The following XRCC4 variants were observed in gnomAD, a reference collection of about 807,000 sequenced individuals.
XRCC4 encodes the protein X-ray repair cross complementing 4, also known as DNA repair protein XRCC4.
In XRCC4, 28 loss-of-function variants were observed where a neutral mutation model predicts 39.1. That is an observed-to-expected ratio of 0.72 (90% CI 0.53 to 0.98). XRCC4 has a LOEUF of 0.98. Ranked by LOEUF, XRCC4 falls within the 50% of genes least tolerant of loss-of-function variation. The pLI is 0.00. For missense variants in XRCC4, 350 were observed against 376.4 expected (o/e 0.93, Z 0.58); for synonymous variants, 123 against 126.4 (o/e 0.97, Z 0.18).
At chr5:83,176,497 G>C (rs146872976) in intron 3 of XRCC4, among the ~76,000 whole-genome samples, 2,275 of 152,214 alleles carry the variant, frequency 0.015, 75 homozygotes, top group African/African-American at 0.052. Context: ...TAAGAAGGAA[G>C]GTTAAGTATG....
chr5:83,168,140 T>C (rs1243545292), intron 3 of XRCC4, among the ~76,000 whole-genome samples: 2 of 152,158 alleles, frequency 1.3e-5, no homozygotes, highest in Non-Finnish European at 2.9e-5. Flanking sequence ...AATCCAACTG[T>C]ATGCTGTTTA....
At chr5:83,347,389 C>G (rs1247988694) in intron 7 of XRCC4, among the ~76,000 whole-genome samples, 1 of 152,004 alleles carries the variant, frequency 6.6e-6, no homozygotes, top group South Asian at 2.1e-4. Flanking sequence ...GGTGTGCAGG[C>G]TTATGCTGCT....
intron 3 of XRCC4, among the ~76,000 whole-genome samples, chr5:83,167,328 A>C (rs940172852): frequency 6.6e-6 from 1 of 152,122 alleles, no homozygotes; most frequent in African/African-American, 2.4e-5. Flanking sequence ...ACACTCAATA[A>C]GTATCCAGTG....
chr5:83,078,275 G>A (rs1291974272), intron 1 of XRCC4, among the ~76,000 whole-genome samples: 8 of 152,156 alleles, frequency 5.3e-5, no homozygotes, highest in Admixed American at 5.2e-4. Flanking sequence ...GCATTTTATC[G>A]ATGGAGAAAC....
chr5:83,263,476 TC>T (rs1252766032), intron 7 of XRCC4, among the ~76,000 whole-genome samples: 1 of 150,238 alleles, frequency 6.7e-6, no homozygotes, highest in Non-Finnish European at 1.5e-5. Context: ...GTAAAAGTGT[TC>T]CTATTTCTCC....
intron 6 of XRCC4, among the ~76,000 whole-genome samples, chr5:83,246,600 T>A (rs1168887796): frequency 6.6e-6 from 1 of 152,150 alleles, no homozygotes; most frequent in Non-Finnish European, 1.5e-5. Context: ...AGCAACATGA[T>A]GAATCATTTT....
chr5:83,308,663 G>A (rs1211586187), intron 7 of XRCC4, among the ~76,000 whole-genome samples: 1 of 151,890 alleles, frequency 6.6e-6, no homozygotes, highest in Non-Finnish European at 1.5e-5. Context: ...AACAGAAAAG[G>A]ATTCTTATTA....
At chr5:83,114,903 T>G (rs1746635229) in intron 3 of XRCC4, among the ~76,000 whole-genome samples, 2 of 144,990 alleles carry the variant, frequency 1.4e-5, no homozygotes, top group African/African-American at 5.8e-5. Flanking sequence ...GTTTAAATGA[T>G]TCACAGTTCC....
chr5:83,186,786 C>A (rs1750458203), intron 3 of XRCC4, among the ~76,000 whole-genome samples: 3 of 152,120 alleles, frequency 2.0e-5, no homozygotes, highest in Non-Finnish European at 2.9e-5. Context: ...ATATATTTTA[C>A]TTCTGTGGCA....
intron 7 of XRCC4, among the ~76,000 whole-genome samples, chr5:83,288,410 C>G (rs1561456226): frequency 6.6e-6 from 1 of 151,918 alleles, no homozygotes; most frequent in Non-Finnish European, 1.5e-5. Context: ...TCACCTTTCA[C>G]TTCTATCAGT....
intron 2 of XRCC4, among the ~76,000 whole-genome samples, chr5:83,107,599 G>C (rs892508834): frequency 6.6e-6 from 1 of 151,672 alleles, no homozygotes; most frequent in Non-Finnish European, 1.5e-5. Flanking sequence ...TATTACAGGC[G>C]GTTATATCAC....
intron 7 of XRCC4, among the ~76,000 whole-genome samples, chr5:83,266,590 A>G (rs528156279): frequency 6.6e-6 from 1 of 152,124 alleles, no homozygotes; most frequent in African/African-American, 2.4e-5. Context: ...TTGTTTTTGG[A>G]AAATTGTTAC....
intron 7 of XRCC4, among the ~76,000 whole-genome samples, chr5:83,290,044 G>GAGTGT (rs1754864006): frequency 6.6e-6 from 1 of 151,700 alleles, no homozygotes; most frequent in Non-Finnish European, 1.5e-5. Context: ...ATTCCCCTTT[G>GAGTGT]AGTGTTCCTA....
chr5:83,153,450 A>G (rs1390988342), intron 3 of XRCC4, among the ~76,000 whole-genome samples: 1 of 152,196 alleles, frequency 6.6e-6, no homozygotes, highest in Admixed American at 6.5e-5. Context: ...ACTAGAGAAT[A>G]TATAATCATT....
At chr5:83,088,779 T>C (rs923879920) in intron 1 of XRCC4, among the ~76,000 whole-genome samples, 2 of 152,226 alleles carry the variant, frequency 1.3e-5, no homozygotes, top group Non-Finnish European at 2.9e-5. Context: ...CATTTCCAAC[T>C]TCCTTCTAAT....
intron 3 of XRCC4, among the ~76,000 whole-genome samples, chr5:83,123,291 C>T (rs886142951): frequency 3.9e-5 from 6 of 152,028 alleles, no homozygotes; most frequent in Non-Finnish European, 8.8e-5. Context: ...TGAAATGACC[C>T]TCTAATTCTA....
intron 3 of XRCC4, among the ~76,000 whole-genome samples, chr5:83,116,626 T>G (rs1217061614): frequency 1.5e-4 from 21 of 139,282 alleles, no homozygotes; most frequent in African/African-American, 5.2e-4. Flanking sequence ...TTTTTTTTTT[T>G]TTTTTTTTTT....
intron 3 of XRCC4, among the ~76,000 whole-genome samples, chr5:83,157,223 T>C (rs1411743293): frequency 3.9e-5 from 6 of 152,128 alleles, no homozygotes; most frequent in African/African-American, 1.4e-4. Flanking sequence ...CCATCAGATA[T>C]TGACAGTCAG....
intron 7 of XRCC4, among the ~76,000 whole-genome samples, chr5:83,268,541 A>C (rs1368332365): frequency 2.0e-5 from 3 of 152,102 alleles, no homozygotes; most frequent in Non-Finnish European, 2.9e-5. Context: ...ATTGTGCTCT[A>C]AGAAGGGTTA....
Sources: gnomAD v4.1 joint callset for allele counts (sites outside exome capture counted in the v4.1 genomes callset) on GRCh38, gnomAD v4.1.1 for gene constraint, MANE v1.5 for transcripts, NCBI Gene and HGNC (gene_info 2026-07-23, HGNC 2026-07-21) for gene names.